ADCY2: variants seen among roughly 807,000 people sequenced by gnomAD.
ADCY2 encodes adenylate cyclase type 2.
A neutral mutation model predicts 125.2 loss-of-function variants in ADCY2; 31 were observed. That is an observed-to-expected ratio of 0.25 (90% CI 0.19 to 0.33). The LOEUF (loss-of-function observed/expected upper bound fraction) is 0.33, where lower values mean the gene tolerates loss of function less well. ADCY2 is among the 10% of genes least tolerant of loss of function. The pLI is 1.00. For synonymous variants in ADCY2, 512 were observed against 548.4 expected, an observed-to-expected ratio of 0.93 and a Z score of 0.93; for missense variants, 904 against 1,418.2, an observed-to-expected ratio of 0.64 and a Z score of 5.82.
rs563654933 is a variant in ADCY2, at chr5:7,511,936, A to C, written c.409-8802A>C. On this transcript the variant is annotated intron_variant, in intron 2 of 24. Transcript: ENST00000338316. ...TCTAAGTGTTACAGAAAATCATTGG[A>C]GGGGCCAGACGCTGTGGCTCACACC... Among the ~76,000 whole-genome samples the C allele has an allele frequency of 1.6e-3, 249 of 151,982 alleles. 1 individual carries two copies. The highest frequency in any genetic ancestry group is 6.0e-3 in the African/African-American group (248 of 41,450).
intron 11 of ADCY2, among the ~76,000 whole-genome samples, chr5:7,714,487 T>C (rs1354269173): frequency 3.9e-5 from 6 of 152,244 alleles, no homozygotes; most frequent in Non-Finnish European, 1.5e-5. Flanking sequence ...ATTTGGTCTC[T>C]GCAGCGTTAC....
rs60426818 is a variant in ADCY2 at position 7,722,960 on chromosome 5, C to CAAAAAAAAAAAAAAAA, written c.1704-1574_1704-1559dup. ...GGGCAACAAGAGCGAAACTCCATCT[C>CAAAAAAAAAAAAAAAA]AAAAAAAAAAAAAAAAAAAAAAAAA... On this transcript the variant is annotated intron_variant, in intron 12 of 24. Transcript: ENST00000338316. Among the ~76,000 whole-genome samples the CAAAAAAAAAAAAAAAA allele has an allele frequency of 9.1e-4, 47 of 51,666 alleles. 1 individual carries two copies. The highest frequency in any genetic ancestry group is 1.2e-3 in the African/African-American group (16 of 13,292). The allele number at this position is 51,666 out of a possible 152,430, so 33.9% of individuals were successfully genotyped here. A position where few individuals can be genotyped will look rare whatever the true frequency, so the allele number is the denominator to read the frequency against.
At chr5:7,694,813 T>C (rs1330456544) in intron 5 of ADCY2, among the ~76,000 whole-genome samples, 2 of 152,218 alleles carry the variant, frequency 1.3e-5, no homozygotes, top group Non-Finnish European at 1.5e-5. Flanking sequence ...TGCTGAATCA[T>C]ATGGTATTTT....
At chr5:7,453,315 T>C (rs1741541939) in intron 2 of ADCY2, among the ~76,000 whole-genome samples, 1 of 152,214 alleles carries the variant, frequency 6.6e-6, no homozygotes, top group Non-Finnish European at 1.5e-5. Context: ...TTCTTCCACA[T>C]GTGGCTATCC....
At chr5:7,500,608 G>C (rs1029762097) in intron 2 of ADCY2, among the ~76,000 whole-genome samples, 2 of 152,180 alleles carry the variant, frequency 1.3e-5, no homozygotes, top group African/African-American at 4.8e-5. Context: ...GCAACTTTCA[G>C]TAGAGGAATA....
chr5:7,712,869 G>A lies in ADCY2; in HGVS notation c.1592G>A (p.Gly531Asp). 2 of 1,609,394 alleles carry A rather than the reference G, an allele frequency of 1.2e-6. No individual in the cohort carries two copies. Among genetic ancestry groups the A allele is most frequent in the Non-Finnish European group, 8.5e-7 (1 of 1,176,374 alleles). ...GKISTTDVPM[G>D]QHNFQNRTLR... ...TTCTCAATATAGGATGTACCCATGG[G>A]TCAGCATAATTTTCAAAATCGCACC... The change falls in exon 11 of 25, where the codon GGT (glycine) becomes GAT (aspartate). Residue 531 changes from glycine (G) to aspartate (D), a missense_variant. Around this residue, in one of 7 missense-constraint regions of ADCY2, gnomAD observed 144 missense variants for 227.7 expected, o/e 0.63. Coordinates refer to ENST00000338316, the MANE Select transcript of ADCY2 (RefSeq NM_020546.3).
chr5:7,728,541 A>G (rs939305636), intron 14 of ADCY2, among the ~76,000 whole-genome samples: 3 of 152,170 alleles, frequency 2.0e-5, no homozygotes, highest in African/African-American at 7.2e-5. Flanking sequence ...TCAGTTTTCC[A>G]TTCAAACAAA....
At position 7,520,758 on chromosome 5, in the gene ADCY2, C is replaced by T. The variant is rs776981954; in HGVS notation, c.429C>T (p.Ile143=). The T allele has an allele frequency of 6.2e-6, 10 of 1,614,186 alleles. No homozygotes were observed. The highest frequency in any genetic ancestry group is 8.5e-6 in the Non-Finnish European group (10 of 1,180,028). The change falls in exon 3 of 25, where the codon ATC becomes ATT. Residue 143 remains isoleucine (I), a synonymous_variant. Coordinates refer to ENST00000338316, the MANE Select transcript of ADCY2 (RefSeq NM_020546.3). ...PWDQVSFFLF[I]IFVVYTMLPF... ...CGTAGGTATCGTTCTTCCTCTTCAT[C>T]ATCTTCGTGGTGTACACCATGCTGC... is the stretch of plus-strand genomic sequence containing the variant.
At chr5:7,528,280 G>A (rs1180132566) in intron 3 of ADCY2, among the ~76,000 whole-genome samples, 1 of 152,150 alleles carries the variant, frequency 6.6e-6, no homozygotes, top group African/African-American at 2.4e-5. Context: ...AGTTTTGGTA[G>A]GGCCAGTGAA....
chr5:7,492,211 T>G (rs35609535), intron 2 of ADCY2, among the ~76,000 whole-genome samples: 34,448 of 152,104 alleles, frequency 0.23, 4,829 homozygotes, highest in Non-Finnish European at 0.3. Flanking sequence ...CACTGTGTCA[T>G]GCTGTGACCA....
intron 13 of ADCY2, among the ~76,000 whole-genome samples, chr5:7,725,859 A>C (rs1240000725): frequency 6.6e-6 from 1 of 152,214 alleles, no homozygotes; most frequent in Non-Finnish European, 1.5e-5. Context: ...AAATTCTAGT[A>C]AACAGAAAGT....
intron 4 of ADCY2, among the ~76,000 whole-genome samples, chr5:7,679,584 C>A (rs1740260639): frequency 6.6e-6 from 1 of 152,106 alleles, no homozygotes; most frequent in Non-Finnish European, 1.5e-5. Context: ...GAGGAAGGGG[C>A]AGGTTCTGAA....
chr5:7,815,330 C>G (rs1266741964), intron 22 of ADCY2, among the ~76,000 whole-genome samples: 1 of 152,162 alleles, frequency 6.6e-6, no homozygotes, highest in Admixed American at 6.5e-5. Context: ...AGACACAAGG[C>G]ACTGGCTTCC....
intron 2 of ADCY2, among the ~76,000 whole-genome samples, chr5:7,491,694 A>T (rs565608902): frequency 3.2e-4 from 49 of 152,292 alleles, no homozygotes; most frequent in African/African-American, 1.1e-3. Context: ...ACTTTATGTA[A>T]CATATAAGTT....
chr5:7,658,439 A>G (rs777580641), intron 4 of ADCY2, among the ~76,000 whole-genome samples: 6,931 of 91,740 alleles, frequency 0.076, 194 homozygotes, highest in South Asian at 0.12. Context: ...GTGTATATAT[A>G]TATATATTTG....
At chr5:7,759,669 C>T (rs964079549) in intron 16 of ADCY2, among the ~76,000 whole-genome samples, 3 of 152,190 alleles carry the variant, frequency 2.0e-5, no homozygotes, top group Non-Finnish European at 2.9e-5. Context: ...AGGTCTCAGG[C>T]GTGCCTGGAT....
intron 13 of ADCY2, among the ~76,000 whole-genome samples, chr5:7,725,806 A>G (rs551127010): frequency 6.6e-6 from 1 of 152,366 alleles, no homozygotes; most frequent in East Asian, 1.9e-4. Flanking sequence ...CTTCATGAGC[A>G]TGGAAATTAT....
intron 3 of ADCY2, among the ~76,000 whole-genome samples, chr5:7,563,386 C>T (rs1206467648): frequency 6.6e-6 from 1 of 152,164 alleles, no homozygotes; most frequent in Non-Finnish European, 1.5e-5. Flanking sequence ...CCCTGAGGCG[C>T]CCCTGAGTCC....
intron 2 of ADCY2, among the ~76,000 whole-genome samples, chr5:7,449,149 G>T (rs563134674): frequency 6.6e-6 from 1 of 152,002 alleles, no homozygotes; most frequent in African/African-American, 2.4e-5. Flanking sequence ...GTTGTTTTTT[G>T]ACTTTCTGAT....
Sources: allele counts gnomAD v4.1 joint callset (sites outside exome capture counted in the v4.1 genomes callset), GRCh38; gene constraint gnomAD v4.1.1; regional missense constraint gnomAD v4.1.1; transcripts MANE v1.5; gene names NCBI Gene and HGNC (gene_info 2026-07-23, HGNC 2026-07-21).